The following HSD17B4 variants were observed in gnomAD, a reference collection of about 807,000 sequenced individuals.
HSD17B4 encodes the protein peroxisomal multifunctional enzyme type 2.
In HSD17B4, 70 loss-of-function variants were observed where a neutral mutation model predicts 101.0. That is an observed-to-expected ratio of 0.69 (90% CI 0.57 to 0.85). The LOEUF is 0.85. Ranked by LOEUF, HSD17B4 falls within the 40% of genes least tolerant of loss-of-function variation. The pLI, the probability that HSD17B4 is intolerant of heterozygous loss-of-function variation, is 0.00. For missense variants in HSD17B4, 984 were observed against 892.4 expected (o/e 1.10, Z -1.31); for synonymous variants, 347 against 297.1 (o/e 1.17, Z -1.73).
At chr5:119,530,861 A>C (rs56007314) in intron 21 of HSD17B4, among the ~76,000 whole-genome samples, 13,870 of 130,286 alleles carry the variant, frequency 0.11, 856 homozygotes, top group South Asian at 0.16. Flanking sequence ...AAAAAAAAAA[A>C]AACAAAAAAC....
At chr5:119,527,971 C>T (rs1753751096) in intron 20 of HSD17B4, among the ~76,000 whole-genome samples, 1 of 152,036 alleles carries the variant, frequency 6.6e-6, no homozygotes, top group Non-Finnish European at 1.5e-5. Flanking sequence ...TATTAAAAGA[C>T]AGTTTTTGTT....
At chr5:119,481,556 G>A (rs1749133883) in intron 8 of HSD17B4, among the ~76,000 whole-genome samples, 1 of 152,128 alleles carries the variant, frequency 6.6e-6, no homozygotes, top group Admixed American at 6.6e-5. Context: ...GTTTCTCAGT[G>A]CATGTAAAAG....
chr5:119,480,771 T>C (rs372704181), intron 8 of HSD17B4, among the ~76,000 whole-genome samples: 5 of 152,094 alleles, frequency 3.3e-5, no homozygotes, highest in East Asian at 1.9e-4. Context: ...ACCCCTGCAG[T>C]CTCAACCGTA....
At chr5:119,471,382 C>T (rs924670352) in intron 2 of HSD17B4, among the ~76,000 whole-genome samples, 1 of 152,010 alleles carries the variant, frequency 6.6e-6, no homozygotes, top group African/African-American at 2.4e-5. Flanking sequence ...TTTTGAAAAA[C>T]TCATTTCCTG....
chr5:119,506,869 G>T lies in HSD17B4; in HGVS notation c.1313G>T (p.Gly438Val), dbSNP rs778626762. The T allele has an allele frequency of 1.9e-6, 3 of 1,565,862 alleles. No homozygotes were observed. The highest frequency in any genetic ancestry group is 8.8e-7 in the Non-Finnish European group (1 of 1,137,190). ...GCTGATGTCCTAGATAAAGGATCCG[G>T]TGTAGTGATTATTATGGATGGTAAT... ...VVADVLDKGSGVVIIMDVYSY... is the reference protein window; with the variant it reads ...VVADVLDKGSVVVIIMDVYSY... The change falls in exon 15 of 24, where the codon GGT becomes GTT. Residue 438 changes from glycine to valine, a missense_variant. Transcript: ENST00000510025.
chr5:119,464,752 C>T (rs753526472), intron 2 of HSD17B4: 4 of 152,118 alleles, frequency 2.6e-5, no homozygotes, highest in Non-Finnish European at 5.9e-5. Flanking sequence ...GCCACCACGC[C>T]CAGCTAATTT....
chr5:119,464,335 T>A (rs1391327508), intron 2 of HSD17B4, among the ~76,000 whole-genome samples: 1 of 152,158 alleles, frequency 6.6e-6, no homozygotes, highest in Non-Finnish European at 1.5e-5. Context: ...TATGTTTAGG[T>A]TTTTAATAAA....
intron 17 of HSD17B4, among the ~76,000 whole-genome samples, chr5:119,519,786 C>T (rs1329087619): frequency 6.6e-6 from 1 of 152,140 alleles, no homozygotes; most frequent in Non-Finnish European, 1.5e-5. Context: ...CTAGAAGAGT[C>T]CCAGCATTTA....
chr5:119,456,564 T>C, intron 2 of HSD17B4, 196 bp downstream of exon 2: 2 of 584,330 alleles, frequency 3.4e-6, no homozygotes, highest in Non-Finnish European at 6.1e-6. Context: ...TTTCACAGAA[T>C]TCCCAGCTTA....
At chr5:119,526,856 A>C (rs1281592063) in intron 19 of HSD17B4, among the ~76,000 whole-genome samples, 1 of 151,912 alleles carries the variant, frequency 6.6e-6, no homozygotes, top group African/African-American at 2.4e-5. Flanking sequence ...AACTCACCTA[A>C]TATGATTATG....
At chr5:119,492,275 T>A in intron 10 of HSD17B4, 151 bp downstream of exon 10, 1 of 716,494 alleles carries the variant, frequency 1.4e-6, no homozygotes, top group Non-Finnish European at 2.6e-6. Context: ...TAGCAACAGG[T>A]ATTTTTAAAC....
At chr5:119,452,693 CG>C (rs1754174484) in intron 1 of HSD17B4, 60 bp downstream of exon 1, 1 of 1,610,066 alleles carries the variant, frequency 6.2e-7, no homozygotes, top group Non-Finnish European at 8.5e-7. Flanking sequence ...CTGCTCTTTT[CG>C]GGCCGGCATA....
chr5:119,517,162 C>T lies in HSD17B4; in HGVS notation c.1503+2116C>T, dbSNP rs562329704. 3.1e-3 allele frequency among the ~76,000 whole-genome samples: 473 copies of T among 152,332 alleles called. 2 individuals are homozygous for T. The highest frequency in any genetic ancestry group is 0.011 in the African/African-American group (457 of 41,586). The stretch of plus-strand genomic sequence containing the variant: ...CGGCGCTCGCAGGCCAGCTTGAGTT[C>T]TGGGTGGGCGTGGGCTTGGCGGGCC... On this transcript the variant is annotated intron_variant, in intron 17 of 23. Coordinates refer to ENST00000510025, the MANE Select transcript of HSD17B4 (RefSeq NM_000414.4).
At chr5:119,506,479 G>A (rs942023960) in intron 14 of HSD17B4, among the ~76,000 whole-genome samples, 19 of 152,116 alleles carry the variant, frequency 1.2e-4, no homozygotes, top group African/African-American at 4.6e-4. Context: ...ATAAATATAC[G>A]TGTGCATGTG....
intron 15 of HSD17B4, 152 bp from the exon 16 acceptor site, chr5:119,508,989 A>G (rs558870526): frequency 1.6e-6 from 1 of 627,658 alleles, no homozygotes; most frequent in South Asian, 1.9e-5. Flanking sequence ...ATGCTTTGTA[A>G]TCCAAACTTG....
At chr5:119,475,781 A>G (rs748119320) in intron 5 of HSD17B4, 43 bp from the exon 6 acceptor site, 8 of 1,582,422 alleles carry the variant, frequency 5.1e-6, no homozygotes, top group South Asian at 3.3e-5. Flanking sequence ...TTTAAAAAGT[A>G]TATACTTTCC....
intron 14 of HSD17B4, among the ~76,000 whole-genome samples, chr5:119,505,588 A>G (rs539974928): frequency 5.5e-4 from 83 of 152,158 alleles, no homozygotes; most frequent in African/African-American, 2.0e-3. Context: ...TTGTTCATTG[A>G]TTTTGTATCC....
chr5:119,461,043 C>T (rs1330196231), intron 2 of HSD17B4, among the ~76,000 whole-genome samples: 2 of 152,028 alleles, frequency 1.3e-5, no homozygotes, highest in African/African-American at 4.8e-5. Flanking sequence ...CAGAGGGGTC[C>T]TAGAAGGCCA....
intron 13 of HSD17B4, chr5:119,499,756 G>T (rs942330854): frequency 5.8e-5 from 21 of 360,726 alleles, no homozygotes; most frequent in African/African-American, 4.5e-4. Flanking sequence ...GCAAAAAGAA[G>T]AAAATAACAA....
Sources: allele counts gnomAD v4.1 joint callset (sites outside exome capture counted in the v4.1 genomes callset), GRCh38; gene constraint gnomAD v4.1.1; transcripts MANE v1.5; gene names NCBI Gene and HGNC (gene_info 2026-07-23, HGNC 2026-07-21).